RSRC1: variants seen among roughly 807,000 people sequenced by gnomAD.
RSRC1 encodes serine/Arginine-related protein 53.
A neutral mutation model predicts 49.1 loss-of-function variants in RSRC1; 39 were observed. The ratio of observed to expected loss-of-function variants is 0.79; its 90% CI spans 0.61 to 1.04. The LOEUF is 1.04. Ranked by LOEUF, RSRC1 falls within the 50% of genes least tolerant of loss-of-function variation. RSRC1 has a pLI of 0.00. For missense variants in RSRC1, 388 were observed against 402.4 expected (o/e 0.96, Z 0.31); for synonymous variants, 143 against 130.8 (o/e 1.09, Z -0.63).
intron 3 of RSRC1, among the ~76,000 whole-genome samples, chr3:158,190,583 G>C (rs1041285179): frequency 8.8e-5 from 13 of 147,108 alleles, no homozygotes; most frequent in African/African-American, 3.2e-4. Context: ...TCAGATAATA[G>C]TCATTTCATA....
intron 5 of RSRC1, among the ~76,000 whole-genome samples, chr3:158,313,955 A>G (rs921429095): frequency 5.3e-5 from 8 of 152,248 alleles, no homozygotes; most frequent in Non-Finnish European, 7.3e-5. Context: ...TAAAGGTGAG[A>G]CAAAAAAGAT....
At chr3:158,115,050 G>A (rs2108151390) in intron 1 of RSRC1, among the ~76,000 whole-genome samples, 1 of 152,240 alleles carries the variant, frequency 6.6e-6, no homozygotes, top group Non-Finnish European at 1.5e-5. Context: ...TAGGAGTGGT[G>A]AGAGAGGACA....
intron 6 of RSRC1, among the ~76,000 whole-genome samples, chr3:158,428,029 AACC>A (rs1735559869): frequency 6.6e-6 from 1 of 151,804 alleles, no homozygotes; most frequent in African/African-American, 2.4e-5. Flanking sequence ...CTGTCTATGA[AACC>A]ACAGATAGGA....
intron 4 of RSRC1, among the ~76,000 whole-genome samples, chr3:158,291,651 A>T (rs995971792): frequency 2.0e-5 from 3 of 152,214 alleles, no homozygotes; most frequent in African/African-American, 4.8e-5. Flanking sequence ...ACAAATGTAG[A>T]TGCAAAATAT....
intron 1 of RSRC1, among the ~76,000 whole-genome samples, chr3:158,113,482 C>T (rs1714561756): frequency 6.6e-6 from 1 of 151,682 alleles, no homozygotes; most frequent in Non-Finnish European, 1.5e-5. Flanking sequence ...AACTCTCCTG[C>T]CTCAGCCTCC....
chr3:158,421,093 A>C (rs1735020386), intron 6 of RSRC1, among the ~76,000 whole-genome samples: 1 of 151,910 alleles, frequency 6.6e-6, no homozygotes, highest in African/African-American at 2.4e-5. Flanking sequence ...AAGATGTTAG[A>C]CTTTCAGTGT....
At chr3:158,132,086 G>T in intron 3 of RSRC1, 2 of 436,690 alleles carry the variant, frequency 4.6e-6, no homozygotes, top group South Asian at 1.6e-5. Context: ...TTCACTCAAG[G>T]TATCCTCCTA....
At chr3:158,429,195 T>TA (rs972866912) in intron 6 of RSRC1, among the ~76,000 whole-genome samples, 2 of 151,494 alleles carry the variant, frequency 1.3e-5, no homozygotes, top group Admixed American at 6.6e-5. Flanking sequence ...CACTTTTGTT[T>TA]AAAAAAATGT....
Position 158,215,894 on chromosome 3 carries a change from G to A in RSRC1, c.494+12649G>A, listed in dbSNP as rs1269521061. On this transcript the variant is annotated intron_variant, in intron 4 of 9. Transcript: ENST00000611884. ...CTCAGATATTTTACCATTCTCTTGT[G>A]TTGTAGGGTTAATTTTAAGTTTTGC... is the stretch of plus-strand genomic sequence containing the variant. 2.0e-5 allele frequency among the ~76,000 whole-genome samples: 3 copies of A among 151,682 alleles called. No individual in the cohort carries two copies. In the East Asian group the frequency reaches 5.8e-4, roughly 29 times the overall value.
intron 7 of RSRC1, among the ~76,000 whole-genome samples, chr3:158,489,967 T>A (rs919950686): frequency 6.6e-6 from 1 of 152,192 alleles, no homozygotes; most frequent in African/African-American, 2.4e-5. Flanking sequence ...CATTATGTGG[T>A]GAAAAAACAT....
intron 7 of RSRC1, among the ~76,000 whole-genome samples, chr3:158,511,446 A>G (rs890171573): frequency 2.0e-5 from 3 of 152,248 alleles, no homozygotes; most frequent in South Asian, 2.1e-4. Context: ...TACAAAGGAC[A>G]TGAACTCATC....
intron 3 of RSRC1, among the ~76,000 whole-genome samples, chr3:158,151,055 G>T (rs566092579): frequency 1.3e-5 from 2 of 152,248 alleles, no homozygotes; most frequent in Admixed American, 6.5e-5. Context: ...TCCTTTGAAT[G>T]TGTAGGGGAG....
chr3:158,274,924 T>C (rs1181279432), intron 4 of RSRC1, among the ~76,000 whole-genome samples: 4 of 152,204 alleles, frequency 2.6e-5, no homozygotes, highest in Non-Finnish European at 5.9e-5. Context: ...TTTTTAAAAC[T>C]GAATAGACTA....
intron 3 of RSRC1, among the ~76,000 whole-genome samples, chr3:158,131,126 T>A (rs1163790761): frequency 6.6e-6 from 1 of 151,448 alleles, no homozygotes; most frequent in Non-Finnish European, 1.5e-5. Context: ...TATTTTTGTC[T>A]TTAATAATTT....
intron 3 of RSRC1, among the ~76,000 whole-genome samples, chr3:158,193,637 T>C (rs1053226059): frequency 6.6e-6 from 1 of 152,160 alleles, no homozygotes; most frequent in South Asian, 2.1e-4. Flanking sequence ...TATATTGTTA[T>C]TGCTTTTTTA....
At chr3:158,292,575 T>C (rs1727000056) in intron 4 of RSRC1, among the ~76,000 whole-genome samples, 1 of 152,128 alleles carries the variant, frequency 6.6e-6, no homozygotes, top group Admixed American at 6.5e-5. Flanking sequence ...GCAAAAGGAG[T>C]TGCACAAATA....
intron 4 of RSRC1, among the ~76,000 whole-genome samples, chr3:158,286,872 G>T (rs1406408598): frequency 6.6e-6 from 1 of 152,214 alleles, no homozygotes; most frequent in Non-Finnish European, 1.5e-5. Flanking sequence ...TGTCACCCAG[G>T]CTGGAGTGCA....
intron 5 of RSRC1, among the ~76,000 whole-genome samples, chr3:158,354,099 T>A (rs1294252733): frequency 6.8e-6 from 1 of 146,990 alleles, no homozygotes; most frequent in Non-Finnish European, 1.5e-5. Context: ...CAAGCAATTC[T>A]CCTGCCTCAG....
At chr3:158,303,817 T>C (rs937269898) in intron 5 of RSRC1, among the ~76,000 whole-genome samples, 1 of 152,156 alleles carries the variant, frequency 6.6e-6, no homozygotes, top group Non-Finnish European at 1.5e-5. Flanking sequence ...CTTGCAAGAG[T>C]AACAGACATT....
Sources: gnomAD v4.1 joint callset for allele counts (sites outside exome capture counted in the v4.1 genomes callset) on GRCh38, gnomAD v4.1.1 for gene constraint, MANE v1.5 for transcripts, NCBI Gene and HGNC (gene_info 2026-07-23, HGNC 2026-07-21) for gene names.